The following SCFD2 variants were observed in gnomAD, a reference collection of about 807,000 sequenced individuals.
SCFD2 encodes the protein sec1 family domain-containing protein 2.
Under a neutral mutation model 58.9 loss-of-function variants are expected in SCFD2, and 54 were observed. The observed-to-expected ratio is 0.92, with a 90% CI of 0.74 to 1.15. The LOEUF (loss-of-function observed/expected upper bound fraction) is 1.15. Ranked by LOEUF, SCFD2 falls within the 50% of genes most tolerant of loss-of-function variation. The pLI, the probability that SCFD2 is intolerant of heterozygous loss-of-function variation, is 0.00. For missense variants in SCFD2, 805 were observed against 836.6 expected (o/e 0.96, Z 0.47); for synonymous variants, 321 against 335.9 (o/e 0.96, Z 0.49).
chr4:53,250,158 C>A (rs578090102), intron 4 of SCFD2, among the ~76,000 whole-genome samples: 1 of 152,108 alleles, frequency 6.6e-6, no homozygotes, highest in Non-Finnish European at 1.5e-5. Flanking sequence ...ACCCTAGTCT[C>A]GGATAAAACA....
intron 2 of SCFD2, among the ~76,000 whole-genome samples, chr4:53,350,118 T>C (rs2149160818): frequency 6.6e-6 from 1 of 152,364 alleles, no homozygotes; most frequent in East Asian, 1.9e-4. Flanking sequence ...AAGTGTGTGC[T>C]ATTACTAAGG....
chr4:53,305,929 A>T (rs1182646392), intron 3 of SCFD2, among the ~76,000 whole-genome samples: 1 of 152,218 alleles, frequency 6.6e-6, no homozygotes, highest in African/African-American at 2.4e-5. Context: ...ACAAATACCA[A>T]CTGACACTGT....
intron 5 of SCFD2, among the ~76,000 whole-genome samples, chr4:53,121,653 T>C (rs1370749180): frequency 6.6e-6 from 1 of 152,174 alleles, no homozygotes; most frequent in Non-Finnish European, 1.5e-5. Flanking sequence ...GCCAACTGAA[T>C]GCGGTGCTTA....
chr4:53,257,246 T>C (rs1470449576), intron 4 of SCFD2, among the ~76,000 whole-genome samples: 2 of 152,150 alleles, frequency 1.3e-5, no homozygotes, highest in African/African-American at 4.8e-5. Flanking sequence ...TTCTTCTCGG[T>C]CACAGGCAAG....
At chr4:52,876,309 T>A (rs900884804) in intron 8 of SCFD2, among the ~76,000 whole-genome samples, 2 of 152,184 alleles carry the variant, frequency 1.3e-5, no homozygotes, top group African/African-American at 4.8e-5. Context: ...ATTATTGTGG[T>A]TTTGTGATTT....
At chr4:52,925,935 C>T (rs1405515721) in intron 5 of SCFD2, among the ~76,000 whole-genome samples, 1 of 152,102 alleles carries the variant, frequency 6.6e-6, no homozygotes, top group African/African-American at 2.4e-5. Flanking sequence ...CTCAGATCAA[C>T]AAAATAGGGC....
intron 3 of SCFD2, among the ~76,000 whole-genome samples, chr4:53,297,920 T>C (rs1732101051): frequency 6.6e-6 from 1 of 152,002 alleles, no homozygotes; most frequent in South Asian, 2.1e-4. Context: ...ATGAAGCCTT[T>C]TTGGCTGGAT....
At chr4:53,249,264 C>T (rs530392762) in intron 4 of SCFD2, among the ~76,000 whole-genome samples, 7 of 151,932 alleles carry the variant, frequency 4.6e-5, no homozygotes, top group Non-Finnish European at 8.8e-5. Flanking sequence ...GAAAAAAGAA[C>T]AAAAAGAAAC....
At chr4:53,260,284 A>T (rs1190512953) in intron 4 of SCFD2, among the ~76,000 whole-genome samples, 1 of 152,056 alleles carries the variant, frequency 6.6e-6, no homozygotes, top group African/African-American at 2.4e-5. Flanking sequence ...AAGTGATGAG[A>T]GTGTGTATCC....
At chr4:53,060,464 T>C (rs1723478278) in intron 5 of SCFD2, among the ~76,000 whole-genome samples, 1 of 152,196 alleles carries the variant, frequency 6.6e-6, no homozygotes, top group Admixed American at 6.6e-5. Flanking sequence ...CTTAGATCTC[T>C]GTACTGCAAA....
At chr4:53,182,447 C>A (rs1455527055) in intron 4 of SCFD2, among the ~76,000 whole-genome samples, 3 of 152,174 alleles carry the variant, frequency 2.0e-5, no homozygotes, top group African/African-American at 7.2e-5. Context: ...ACTGGCTAGC[C>A]ATATGCAGAA....
At chr4:52,957,406 T>G (rs1396840743) in intron 5 of SCFD2, 1 of 152,090 alleles carries the variant, frequency 6.6e-6, no homozygotes, top group Non-Finnish European at 1.5e-5. Context: ...ATAGGAGCGG[T>G]ATGTGGCCTG....
At chr4:53,356,612 G>A (rs1256515325) in intron 1 of SCFD2, among the ~76,000 whole-genome samples, 1 of 152,034 alleles carries the variant, frequency 6.6e-6, no homozygotes, top group Non-Finnish European at 1.5e-5. Context: ...TTTTTGTAGA[G>A]ATGGGGTTTC....
At chr4:53,015,390 C>T (rs1056977451) in intron 5 of SCFD2, among the ~76,000 whole-genome samples, 4 of 151,728 alleles carry the variant, frequency 2.6e-5, no homozygotes, top group Non-Finnish European at 5.9e-5. Flanking sequence ...GCAGCTCTGC[C>T]CTGAAGAATT....
intron 5 of SCFD2, among the ~76,000 whole-genome samples, chr4:52,937,432 CT>C (rs1720167145): frequency 6.6e-6 from 1 of 152,184 alleles, no homozygotes; most frequent in Non-Finnish European, 1.5e-5. Flanking sequence ...CCTTCTTAGG[CT>C]GATAAGTGGA....
At chr4:53,341,306 A>T (rs1733864390) in intron 2 of SCFD2, among the ~76,000 whole-genome samples, 1 of 152,198 alleles carries the variant, frequency 6.6e-6, no homozygotes, top group African/African-American at 2.4e-5. Flanking sequence ...ACTATATGAC[A>T]CATGCACAAG....
In SCFD2 at chr4:53,362,684, C is replaced by CAAA. The variant is rs11377729; in HGVS notation, c.838+2417_838+2419dup. ...CTTTCAAGTTTGCTATAAAATAAAG[C>CAAA]AAAAAAAAAAATGGAATTGAAGTTG... On this transcript the variant is annotated intron_variant, in intron 1 of 8. Coordinates refer to ENST00000401642, the MANE Select transcript of SCFD2 (RefSeq NM_152540.4). Among the ~76,000 whole-genome samples the CAAA allele has an allele frequency of 1.1e-4, 16 of 146,984 alleles. No homozygotes were observed. In the South Asian group the frequency reaches 1.9e-3, roughly 18 times the overall value.
rs958713762 is a variant in SCFD2 at position 52,886,989 on chromosome 4, T to G, written c.1843-1123A>C. Reference sequence around the variant, plus strand: ...TACAGCAGCCTGTGGCTACTCTATTTGTTTGTTTATTTATTTGTTTACTTG... The same window carrying G: ...TACAGCAGCCTGTGGCTACTCTATTGGTTTGTTTATTTATTTGTTTACTTG... On this transcript the variant is annotated intron_variant, in intron 7 of 8. Coordinates refer to ENST00000401642, the MANE Select transcript of SCFD2 (RefSeq NM_152540.4). Among the ~76,000 whole-genome samples, 4 of 152,350 alleles carry G rather than the reference T, an allele frequency of 2.6e-5. No individual in the cohort carries two copies. The South Asian group carries it at 8.3e-4, about 32-fold the overall frequency.
At chr4:53,303,773 T>C (rs887192825) in intron 3 of SCFD2, among the ~76,000 whole-genome samples, 9 of 151,466 alleles carry the variant, frequency 5.9e-5, no homozygotes, top group Admixed American at 3.9e-4. Context: ...TATGCAGCCA[T>C]AAAAAAGGAT....
Sources: allele counts gnomAD v4.1 joint callset (sites outside exome capture counted in the v4.1 genomes callset), GRCh38; gene constraint gnomAD v4.1.1; transcripts MANE v1.5; gene names NCBI Gene and HGNC (gene_info 2026-07-23, HGNC 2026-07-21).